PCDH9: variants seen among roughly 807,000 people sequenced by gnomAD.
The protein encoded by PCDH9 is protocadherin 9, also known as protocadherin-9.
In PCDH9, 24 loss-of-function variants were observed where a neutral mutation model predicts 70.6. That is an observed-to-expected ratio of 0.34 (90% confidence interval 0.25 to 0.48). The LOEUF (loss-of-function observed/expected upper bound fraction) is 0.48. PCDH9 is among the 20% of genes least tolerant of loss of function. PCDH9 has a pLI of 0.99. For missense variants in PCDH9, 1,281 were observed against 1,503.6 expected (o/e 0.85, Z 2.45); for synonymous variants, 562 against 558.5 (o/e 1.01, Z -0.09).
intron 3 of PCDH9, among the ~76,000 whole-genome samples, chr13:66,730,831 A>G (rs9599140): frequency 0.42 from 60,526 of 145,328 alleles, 12,840 homozygotes; most frequent in Middle Eastern, 0.51. Context: ...GGAACTTGCT[A>G]TCATGCCTGG....
chr13:66,395,740 C>A (rs998946402), intron 4 of PCDH9, among the ~76,000 whole-genome samples: 1 of 152,052 alleles, frequency 6.6e-6, no homozygotes, highest in African/African-American at 2.4e-5. Context: ...ACTTATAAAC[C>A]AAAACATCAT....
chr13:66,574,731 A>C (rs2076788008), intron 4 of PCDH9, among the ~76,000 whole-genome samples: 1 of 152,172 alleles, frequency 6.6e-6, no homozygotes, highest in African/African-American at 2.4e-5. Context: ...TATTTCTCAC[A>C]ATTTCTAGCC....
At chr13:66,960,523 T>C (rs922749780) in intron 2 of PCDH9, among the ~76,000 whole-genome samples, 2 of 152,154 alleles carry the variant, frequency 1.3e-5, no homozygotes, top group Admixed American at 1.3e-4. Context: ...TTCTGTTAAT[T>C]AAATTCTGCC....
At chr13:66,960,000 A>G (rs1331966581) in intron 2 of PCDH9, among the ~76,000 whole-genome samples, 1 of 152,132 alleles carries the variant, frequency 6.6e-6, no homozygotes, top group Non-Finnish European at 1.5e-5. Context: ...AACAAATCAG[A>G]ATACTTATTA....
chr13:67,020,169 C>T (rs1390169754), intron 2 of PCDH9, among the ~76,000 whole-genome samples: 1 of 152,008 alleles, frequency 6.6e-6, no homozygotes, highest in Non-Finnish European at 1.5e-5. Context: ...AAACTGCTTA[C>T]AAACAGAATC....
chr13:66,483,738 G>A (rs143420325), intron 4 of PCDH9, among the ~76,000 whole-genome samples: 1 of 152,266 alleles, frequency 6.6e-6, no homozygotes, highest in Non-Finnish European at 1.5e-5. Context: ...CATGATCCCT[G>A]ACTACAGCTC....
chr13:66,866,750 T>C (rs2081583629), intron 3 of PCDH9, among the ~76,000 whole-genome samples: 1 of 152,114 alleles, frequency 6.6e-6, no homozygotes, highest in Non-Finnish European at 1.5e-5. Context: ...TGAGCCAAAA[T>C]TGTGCCACTG....
intron 2 of PCDH9, among the ~76,000 whole-genome samples, chr13:67,119,287 T>A (rs2086835415): frequency 6.6e-6 from 1 of 152,142 alleles, no homozygotes; most frequent in South Asian, 2.1e-4. Flanking sequence ...ATATGATACA[T>A]TCCTTTTCTA....
intron 4 of PCDH9, among the ~76,000 whole-genome samples, chr13:66,434,631 C>G (rs1247975300): frequency 6.6e-6 from 1 of 151,930 alleles, no homozygotes; most frequent in Non-Finnish European, 1.5e-5. Context: ...GAATGGTCAT[C>G]ACATTTTTTT....
intron 2 of PCDH9, among the ~76,000 whole-genome samples, chr13:67,174,314 G>GATACATACATACATAC (rs75349589): frequency 8.7e-5 from 13 of 149,570 alleles, no homozygotes; most frequent in East Asian, 3.9e-4. Flanking sequence ...TAGATAGATA[G>GATACATACATACATAC]ATACATACAT....
intron 3 of PCDH9, among the ~76,000 whole-genome samples, chr13:66,646,088 T>C (rs757136194): frequency 1.6e-4 from 24 of 152,336 alleles, no homozygotes; most frequent in Non-Finnish European, 3.4e-4. Flanking sequence ...ACACAAACTC[T>C]GTATCCCTGG....
chr13:66,713,625 G>GTGTGTGTATATATATATA (rs1379996611), intron 3 of PCDH9, among the ~76,000 whole-genome samples: 6 of 109,998 alleles, frequency 5.5e-5, no homozygotes, highest in African/African-American at 2.2e-4. Context: ...GTGTGTGTGT[G>GTGTGTGTATATATATATA]TATATATATA....
chr13:66,323,019 A>G (rs1242469491), intron 4 of PCDH9, among the ~76,000 whole-genome samples: 1 of 152,190 alleles, frequency 6.6e-6, no homozygotes, highest in East Asian at 1.9e-4. Flanking sequence ...TAACAGAACT[A>G]TTAAAATAAG....
At chr13:66,505,434 G>T (rs1959201369) in intron 4 of PCDH9, among the ~76,000 whole-genome samples, 1 of 150,004 alleles carries the variant, frequency 6.7e-6, no homozygotes, top group Non-Finnish European at 1.5e-5. Context: ...GGAAAGATCT[G>T]CCCTTATGAT....
rs531237399 is a variant in PCDH9 at position 66,305,477 on chromosome 13, TAA to T, written c.3341-451_3341-450del. 2.6e-3 allele frequency among the ~76,000 whole-genome samples: 403 copies of T among 152,136 alleles called. 3 individuals are homozygous for T. Among genetic ancestry groups the T allele is most frequent in the African/African-American group, 9.1e-3 (379 of 41,568 alleles). Reference sequence around the variant, plus strand: ...GAATATATAAATAATACAACTCCACTAAGTTAAAAAGCAAAATTACCACTTGA... The same window carrying T: ...GAATATATAAATAATACAACTCCACTGTTAAAAAGCAAAATTACCACTTGA... On this transcript the variant is annotated intron_variant, in intron 4 of 4. Coordinates refer to ENST00000377865, the MANE Select transcript of PCDH9 (RefSeq NM_203487.3).
At chr13:67,116,483 T>TC (rs1555308868) in intron 2 of PCDH9, among the ~76,000 whole-genome samples, 1 of 152,144 alleles carries the variant, frequency 6.6e-6, no homozygotes, top group Non-Finnish European at 1.5e-5. Context: ...AGTTGAAATA[T>TC]CTGCTAAATT....
At chr13:66,933,882 A>G (rs1263081779) in intron 2 of PCDH9, among the ~76,000 whole-genome samples, 3 of 149,562 alleles carry the variant, frequency 2.0e-5, no homozygotes, top group Non-Finnish European at 4.5e-5. Flanking sequence ...TTATAAAAAC[A>G]TAAGCTAGGC....
At chr13:66,380,670 A>T (rs1262712758) in intron 4 of PCDH9, among the ~76,000 whole-genome samples, 1 of 150,116 alleles carries the variant, frequency 6.7e-6, no homozygotes, top group Admixed American at 6.7e-5. Context: ...CAGCCTCCTG[A>T]GTAACTGGGA....
chr13:67,172,600 G>A (rs9571725), intron 2 of PCDH9, among the ~76,000 whole-genome samples: 18,607 of 151,950 alleles, frequency 0.12, 1,360 homozygotes, highest in East Asian at 0.22. Context: ...GGTTTTGGCC[G>A]GGCAAGGTGG....
Sources: gnomAD v4.1 joint callset for allele counts (sites outside exome capture counted in the v4.1 genomes callset) on GRCh38, gnomAD v4.1.1 for gene constraint, MANE v1.5 for transcripts, NCBI Gene and HGNC (gene_info 2026-07-23, HGNC 2026-07-21) for gene names.